DDX1: variants seen among roughly 807,000 people sequenced by gnomAD.
The protein encoded by DDX1 is ATP-dependent RNA helicase DDX1.
DDX1 carries 28 observed loss-of-function variants against 108.7 expected under a neutral mutation model. The observed-to-expected ratio is 0.26, with a 90% CI of 0.19 to 0.35. The LOEUF (loss-of-function observed/expected upper bound fraction) is 0.35. DDX1 is among the 10% of genes least tolerant of loss of function. DDX1 has a pLI of 1.00. For synonymous variants in DDX1, 295 were observed against 288.9 expected (o/e 1.02, Z -0.21); for missense variants, 710 against 884.5 (o/e 0.80, Z 2.50).
chr2:15,594,075 C>CA (rs146717238), intron 1 of DDX1, among the ~76,000 whole-genome samples: 31,059 of 142,778 alleles, frequency 0.22, 3,706 homozygotes, highest in Admixed American at 0.29. Flanking sequence ...GAGACTGTCT[C>CA]AAAAAAAAAC....
At chr2:15,615,900 A>G (rs1046964627) in intron 14 of DDX1, among the ~76,000 whole-genome samples, 3 of 151,842 alleles carry the variant, frequency 2.0e-5, no homozygotes, top group African/African-American at 7.3e-5. Context: ...TTATTTATTT[A>G]TTTATTTTTG....
intron 3 of DDX1, among the ~76,000 whole-genome samples, chr2:15,596,076 A>G (rs1665492312): frequency 6.6e-6 from 1 of 152,080 alleles, no homozygotes; most frequent in Admixed American, 6.5e-5. Context: ...TTGTAGAGAC[A>G]GGGTCTCACT....
chr2:15,616,207 C>G (rs967859027), intron 14 of DDX1, among the ~76,000 whole-genome samples: 2 of 152,122 alleles, frequency 1.3e-5, no homozygotes, highest in African/African-American at 4.8e-5. Flanking sequence ...GCCACCGCGC[C>G]GGCCCATATA....
intron 6 of DDX1, among the ~76,000 whole-genome samples, chr2:15,601,173 G>GT (rs1665583860): frequency 1.3e-5 from 2 of 152,238 alleles, no homozygotes; most frequent in East Asian, 3.9e-4. Flanking sequence ...GATGTGTGGG[G>GT]TTTTTTCCCA....
In DDX1 at chr2:15,620,431, TA is replaced by T. The variant is rs992318358; in HGVS notation, c.1395+38del. The T allele has an allele frequency of 2.6e-6, 4 of 1,523,566 alleles. No homozygotes were observed. In the African/African-American group the frequency reaches 5.6e-5, roughly 21 times the overall value. 94.4% of individuals were successfully genotyped at this position (1,523,566 alleles called of 1,614,324 possible). On this transcript the variant is annotated intron_variant, in intron 17 of 25. Coordinates refer to ENST00000233084, the MANE Select transcript of DDX1 (RefSeq NM_004939.3). ...TTATAATATTAACATTTATGTAGAA[TA>T]AAGCAATTTATAAACTAGGTCAGCC...
chr2:15,599,651 T>C lies in DDX1; in HGVS notation c.260-18T>C. Reference sequence around the variant, plus strand: ...TTTATATATCTGTGGGTAACTTTTCTTATTTTAATTTGTTTAGTGCTGAAC... The same window carrying C: ...TTTATATATCTGTGGGTAACTTTTCCTATTTTAATTTGTTTAGTGCTGAAC... On this transcript the variant is annotated intron_variant, in intron 5 of 25. Transcript: ENST00000233084. The C allele has an allele frequency of 6.3e-7, 1 of 1,585,802 alleles. No homozygotes were observed. Among genetic ancestry groups the C allele is most frequent in the South Asian group, 1.2e-5 (1 of 86,240 alleles).
intron 12 of DDX1, among the ~76,000 whole-genome samples, chr2:15,606,471 C>T (rs762050401): frequency 7.2e-5 from 11 of 152,140 alleles, no homozygotes; most frequent in Non-Finnish European, 1.2e-4. Context: ...ATTTTGGGAT[C>T]GCAATCATAA....
chr2:15,596,193 A>T (rs181013455), intron 3 of DDX1, among the ~76,000 whole-genome samples: 106 of 152,292 alleles, frequency 7.0e-4, no homozygotes, highest in South Asian at 1.4e-3. Flanking sequence ...GCAAGGGAAG[A>T]TAAAAGAGAA....
At chr2:15,601,801 C>G (rs988004097) in intron 6 of DDX1, among the ~76,000 whole-genome samples, 2 of 152,172 alleles carry the variant, frequency 1.3e-5, no homozygotes, top group Non-Finnish European at 2.9e-5. Flanking sequence ...GTTCTACTTT[C>G]AAGTACAGAA....
chr2:15,596,693 A>G, intron 3 of DDX1, 41 bp from the exon 4 acceptor site: 1 of 1,587,558 alleles, frequency 6.3e-7, no homozygotes, highest in Non-Finnish European at 8.6e-7. Flanking sequence ...TCTTTAATAG[A>G]CAACTTAATC....
At chr2:15,621,675 C>T (rs1666011142) in intron 18 of DDX1, among the ~76,000 whole-genome samples, 1 of 150,658 alleles carries the variant, frequency 6.6e-6, no homozygotes, top group Non-Finnish European at 1.5e-5. Flanking sequence ...TTTTTTGAGA[C>T]ACGGTCTCAC....
At chr2:15,599,798 A>G (rs997607158) in intron 6 of DDX1, 82 bp downstream of exon 6, 107 of 1,012,078 alleles carry the variant, frequency 1.1e-4, no homozygotes, top group Non-Finnish European at 1.5e-4. Flanking sequence ...AGTAAATAAG[A>G]TTAAGATTTA....
chr2:15,611,978 T>G (rs1348132170), intron 13 of DDX1, among the ~76,000 whole-genome samples: 2 of 117,786 alleles, frequency 1.7e-5, no homozygotes, highest in Non-Finnish European at 3.4e-5. Flanking sequence ...CCCCACCACC[T>G]CCCTCCCGGA....
Position 15,602,742 on chromosome 2 carries a change from C to T in DDX1, c.391+111C>T, listed in dbSNP as rs79427100. The stretch of plus-strand genomic sequence containing the variant: ...TTGAGATGGAGTCTCGCACGTCGCC[C>T]GGGCTGGAGGGCCCGGGCTGGAGGG... On this transcript the variant is annotated intron_variant, in intron 7 of 25. Coordinates refer to ENST00000233084, the MANE Select transcript of DDX1 (RefSeq NM_004939.3). The T allele has an allele frequency of 0.018, 14,052 of 802,804 alleles. 910 individuals are homozygous for T. The East Asian group carries it at 0.21, about 12-fold the overall frequency. 49.7% of individuals were successfully genotyped at this position (802,804 alleles called of 1,614,324 possible).
At chr2:15,593,512 T>C (rs1444495652) in intron 1 of DDX1, among the ~76,000 whole-genome samples, 1 of 152,236 alleles carries the variant, frequency 6.6e-6, no homozygotes, top group East Asian at 1.9e-4. Flanking sequence ...AAAGAAAACT[T>C]GCAGGGAACA....
Position 15,630,844 on chromosome 2 carries a change from G to A in DDX1, c.2161G>A (p.Glu721Lys), listed in dbSNP as rs139636088. ...TCAAGAGTTGGCTGCCCTTGAAAAG[G>A]AGGCGCAGACATCTTTCCTGCATCT... The part of the protein sequence containing the change: ...TVQELAALEK[E>K]AQTSFLHLGY... Residue 721 changes from glutamate to lysine, a missense_variant, in exon 26 of 26, where the codon GAG becomes AAG. By Grantham distance (56) the Glu-to-Lys change is moderately conservative. Around this residue, in one of 3 missense-constraint regions of DDX1, gnomAD observed 661 missense variants for 810.2 expected, o/e 0.82. Coordinates refer to ENST00000233084, the MANE Select transcript of DDX1 (RefSeq NM_004939.3). The A allele has an allele frequency of 9.7e-5, 157 of 1,614,072 alleles. 1 individual carries two copies. The East Asian group carries it at 2.9e-3, about 29-fold the overall frequency.
chr2:15,630,201 G>A, intron 25 of DDX1, 91 bp downstream of exon 25: 5 of 1,289,980 alleles, frequency 3.9e-6, no homozygotes, highest in Non-Finnish European at 5.5e-6. Flanking sequence ...CATTTCATTA[G>A]GTTAAGAGTA....
chr2:15,594,410 A>G (rs1202099316), intron 1 of DDX1, among the ~76,000 whole-genome samples: 1 of 152,224 alleles, frequency 6.6e-6, no homozygotes, highest in Non-Finnish European at 1.5e-5. Flanking sequence ...ACTACTCCAT[A>G]TATAATTACC....
rs772922006 is a variant in DDX1 at position 15,607,155 on chromosome 2, C to T, written c.818-20C>T. 3 of 1,610,656 alleles carry T rather than the reference C, an allele frequency of 1.9e-6. No homozygotes were observed. The highest frequency in any genetic ancestry group is 2.2e-5 in the South Asian group (2 of 90,476). The stretch of plus-strand genomic sequence containing the variant: ...ATAAAGTGTGCTTTGAATGTGTTCT[C>T]ATCTTTTTTATTCCCTAAGGTAATG... On this transcript the variant is annotated intron_variant, in intron 12 of 25. Coordinates refer to ENST00000233084, the MANE Select transcript of DDX1 (RefSeq NM_004939.3).
Sources: allele counts gnomAD v4.1 joint callset (sites outside exome capture counted in the v4.1 genomes callset), GRCh38; gene constraint gnomAD v4.1.1; regional missense constraint gnomAD v4.1.1; transcripts MANE v1.5; gene names NCBI Gene and HGNC (gene_info 2026-07-23, HGNC 2026-07-21).